Variants in CENPC observed in about 807,000 individuals in gnomAD.
CENPC encodes centromere protein C.
Under a neutral mutation model 112.1 loss-of-function variants are expected in CENPC, and 63 were observed. That is an observed-to-expected ratio of 0.56 (90% CI 0.46 to 0.69). The LOEUF is 0.69. Ranked by LOEUF, CENPC falls within the 30% of genes least tolerant of loss-of-function variation. The probability of loss-of-function intolerance (pLI) is 0.00; values close to 1 mark genes in which losing one functional copy is unlikely to be tolerated. For missense variants in CENPC, 1,000 were observed against 1,103.8 expected (o/e 0.91, Z 1.33); for synonymous variants, 333 against 367.6 (o/e 0.91, Z 1.08).
At chr4:67,480,010 A>G (rs1402896294) in intron 17 of CENPC, among the ~76,000 whole-genome samples, 1 of 152,218 alleles carries the variant, frequency 6.6e-6, no homozygotes, top group Non-Finnish European at 1.5e-5. Context: ...ACGGTAATAA[A>G]AGAATTGTCA....
At chr4:67,490,458 GGC>G (rs1725209796) in intron 16 of CENPC, among the ~76,000 whole-genome samples, 1 of 151,954 alleles carries the variant, frequency 6.6e-6, no homozygotes, top group Non-Finnish European at 1.5e-5. Context: ...AATATTGTCT[GGC>G]AAAAAGTACG....
Position 67,504,269 on chromosome 4 carries a change from A to C in CENPC, c.2131+936T>G, listed in dbSNP as rs374685592. The stretch of plus-strand genomic sequence containing the variant: ...TAACACTACATAGCAAAATCTATCA[A>C]ATTAAGCCAAAACTATACTGAGGGA... On this transcript the variant is annotated intron_variant, in intron 12 of 18. Transcript: ENST00000273853. Among the ~76,000 whole-genome samples the C allele has an allele frequency of 3.3e-5, 5 of 152,184 alleles. No homozygotes were observed. The East Asian group carries it at 7.7e-4, about 24-fold the overall frequency.
intron 5 of CENPC, 25 bp from the exon 6 acceptor site, chr4:67,519,527 T>G: frequency 7.2e-7 from 1 of 1,380,162 alleles, no homozygotes; most frequent in Non-Finnish European, 9.6e-7. Flanking sequence ...TATAAAGATA[T>G]TTGTCAATTA....
chr4:67,520,504 C>G (rs6810823), intron 5 of CENPC, among the ~76,000 whole-genome samples: 35,892 of 151,920 alleles, frequency 0.24, 4,583 homozygotes, highest in Non-Finnish European at 0.29. Context: ...AACCCCCTGT[C>G]CTCCACCCAA....
intron 15 of CENPC, chr4:67,492,623 G>T: frequency 1.9e-6 from 1 of 535,926 alleles, no homozygotes; most frequent in Non-Finnish European, 2.9e-6. Context: ...GCATAGGAAT[G>T]GTGGGTTTCA....
At chr4:67,521,339 CAAAT>C (rs1726223763) in intron 5 of CENPC, among the ~76,000 whole-genome samples, 2 of 151,542 alleles carry the variant, frequency 1.3e-5, no homozygotes, top group African/African-American at 4.8e-5. Flanking sequence ...CCTCTTGTAA[CAAAT>C]GAAAAAGAAA....
In CENPC at chr4:67,471,715, G is replaced by A. The variant is rs1033516373; in HGVS notation, c.*890C>T. ...GAGTTGGCCTAAAAATATTTTTACC[G>A]TAAAACATCAATTTCTTCAGAGTTA... On this transcript the variant is annotated 3_prime_UTR_variant, in exon 19 of 19. Transcript: ENST00000273853. 1.3e-5 allele frequency: 2 copies of A among 152,128 alleles called. No individual in the cohort carries two copies. The highest frequency in any genetic ancestry group is 2.9e-5 in the Non-Finnish European group (2 of 67,986). The allele number at this position is 152,128 out of a possible 1,614,324, so 9.4% of individuals were successfully genotyped here.
chr4:67,503,737 C>CAA (rs1725658003), intron 12 of CENPC, among the ~76,000 whole-genome samples: 1 of 151,792 alleles, frequency 6.6e-6, no homozygotes, highest in Non-Finnish European at 1.5e-5. Flanking sequence ...TTCCCTTTTT[C>CAA]AAGCACCAAT....
At chr4:67,475,008 A>G in intron 17 of CENPC, 30 bp from the exon 18 acceptor site, 3 of 1,217,108 alleles carry the variant, frequency 2.5e-6, no homozygotes, top group South Asian at 1.4e-5. Context: ...AATCTCATTC[A>G]AAACTGAACC....
At position 67,509,035 on chromosome 4, in the gene CENPC, A is replaced by G. The variant is rs766158812; in HGVS notation, c.1683T>C (p.Thr561=). ...PMHHNSSRKS[T]KKTNQSSKNI... is the part of the protein sequence containing the mutation. ...TCTTAGATGACTGATTTGTTTTCTTAGTAGATTTTCGGCTACTATTGTGAT... is the reference window on the plus strand; with the variant it reads ...TCTTAGATGACTGATTTGTTTTCTTGGTAGATTTTCGGCTACTATTGTGAT... The change falls in exon 10 of 19, where the codon ACT becomes ACC. Residue 561 remains threonine (T), a synonymous_variant. Coordinates refer to ENST00000273853, the MANE Select transcript of CENPC (RefSeq NM_001812.4). 7 of 1,612,738 alleles carry G rather than the reference A, an allele frequency of 4.3e-6. No homozygotes were observed. Among genetic ancestry groups the G allele is most frequent in the Non-Finnish European group, 5.9e-6 (7 of 1,179,528 alleles).
chr4:67,522,290 C>T lies in CENPC; in HGVS notation c.332-2788G>A, dbSNP rs1344013568. Among the ~76,000 whole-genome samples, 4 of 152,300 alleles carry T rather than the reference C, an allele frequency of 2.6e-5. No homozygotes were observed. In the East Asian group the frequency reaches 7.7e-4, roughly 29 times the overall value. ...TGCATAATATAACTTCTTAACTTGGCTGCATAAAACAACTATTTGTTATGT... is the reference window on the plus strand; with the variant it reads ...TGCATAATATAACTTCTTAACTTGGTTGCATAAAACAACTATTTGTTATGT... On this transcript the variant is annotated intron_variant, in intron 5 of 18. Transcript: ENST00000273853.
rs1724671648 is a variant in CENPC at position 67,471,975 on chromosome 4, G to A, written c.*630C>T. ...CAAGGTGAGAATACCATGTGATAAT[G>A]CAAGTAGATTGAAATGCTACCGGTG... is the stretch of plus-strand genomic sequence containing the variant. On this transcript the variant is annotated 3_prime_UTR_variant, in exon 19 of 19. Coordinates refer to ENST00000273853, the MANE Select transcript of CENPC (RefSeq NM_001812.4). 6.6e-6 allele frequency: 1 copy of A among 152,204 alleles called. No individual in the cohort carries two copies. The highest frequency in any genetic ancestry group is 2.4e-5 in the African/African-American group (1 of 41,438). The allele number at this position is 152,204 out of a possible 1,614,324, so 9.4% of individuals were successfully genotyped here.
intron 10 of CENPC, 117 bp downstream of exon 10, chr4:67,508,697 T>C: frequency 1.1e-6 from 1 of 877,966 alleles, no homozygotes; most frequent in Non-Finnish European, 1.7e-6. Flanking sequence ...ATACCAGGTA[T>C]GTCAGAGTGC....
chr4:67,497,537 T>C (rs537976996), intron 12 of CENPC, among the ~76,000 whole-genome samples: 1 of 152,284 alleles, frequency 6.6e-6, no homozygotes, highest in Admixed American at 6.5e-5. Context: ...TTTGCTGTTT[T>C]GTTTTGGTTT....
chr4:67,514,176 G>A lies in CENPC; in HGVS notation c.1342C>T (p.His448Tyr). 6.2e-7 allele frequency: 1 copy of A among 1,612,550 alleles called. No individual in the cohort carries two copies. The highest frequency in any genetic ancestry group is 1.1e-5 in the South Asian group (1 of 90,920). Residue 448 changes from histidine to tyrosine, a missense_variant, in exon 8 of 19, where the codon CAT (histidine) becomes TAT (tyrosine). By Grantham distance (83) the His-to-Tyr change is moderately conservative. Transcript: ENST00000273853. ...CTTTGAAATTCGTCTTGGGTAATATGTGATGTATGTATGTTTTCATCTTTA... is the reference window on the plus strand; with the variant it reads ...CTTTGAAATTCGTCTTGGGTAATATATGATGTATGTATGTTTTCATCTTTA... ...QSKDENIHTS[H>Y]ITQDEFQRNS...
intron 17 of CENPC, 149 bp from the exon 18 acceptor site, chr4:67,475,127 A>G: frequency 1.7e-6 from 1 of 595,302 alleles, no homozygotes; most frequent in Non-Finnish European, 3.0e-6. Context: ...ATTTCATGGC[A>G]AAAGGGACCT....
In CENPC at chr4:67,470,085, A is replaced by G. The variant is rs776939716; in HGVS notation, c.*2520T>C. The G allele has an allele frequency of 1.3e-5, 2 of 152,244 alleles. No individual in the cohort carries two copies. Among genetic ancestry groups the G allele is most frequent in the Non-Finnish European group, 2.9e-5 (2 of 68,042 alleles). The allele number at this position is 152,244 out of a possible 1,614,324, so 9.4% of individuals were successfully genotyped here. On this transcript the variant is annotated 3_prime_UTR_variant, in exon 19 of 19. Coordinates refer to ENST00000273853, the MANE Select transcript of CENPC (RefSeq NM_001812.4). Reference sequence around the variant, plus strand: ...ACAACTTGTGACTACTGTATCAGCCATTATAGCCCTAGAAGTTGGCTGAAC... The same window carrying G: ...ACAACTTGTGACTACTGTATCAGCCGTTATAGCCCTAGAAGTTGGCTGAAC...
At chr4:67,483,052 C>T (rs1386034585) in intron 17 of CENPC, among the ~76,000 whole-genome samples, 7 of 152,142 alleles carry the variant, frequency 4.6e-5, no homozygotes, top group African/African-American at 1.7e-4. Context: ...CCTCGCTTGG[C>T]AATTCTCCTT....
chr4:67,501,439 T>C (rs1725587467), intron 12 of CENPC, among the ~76,000 whole-genome samples: 1 of 152,154 alleles, frequency 6.6e-6, no homozygotes, highest in Admixed American at 6.5e-5. Flanking sequence ...TCCTGTCAAA[T>C]ATGAATGGCA....
Sources: allele counts gnomAD v4.1 joint callset (sites outside exome capture counted in the v4.1 genomes callset), GRCh38; gene constraint gnomAD v4.1.1; transcripts MANE v1.5; gene names NCBI Gene and HGNC (gene_info 2026-07-23, HGNC 2026-07-21).